Variants in ERC1 observed in about 807,000 individuals in gnomAD.
ERC1 encodes RAB6 interacting protein 2.
In ERC1, 56 loss-of-function variants were observed where a neutral mutation model predicts 132.0. That is an observed-to-expected ratio of 0.42 (90% CI 0.34 to 0.53). The LOEUF is 0.53. ERC1 is among the 20% of genes least tolerant of loss of function. ERC1 has a pLI of 0.03. For synonymous variants in ERC1, 478 were observed against 476.1 expected (o/e 1.00, Z -0.05); for missense variants, 1,202 against 1,349.9 (o/e 0.89, Z 1.72).
chr12:1,189,821 G>T lies in ERC1; in HGVS notation c.2158-38G>T, dbSNP rs879173597. 2.0e-6 allele frequency: 3 copies of T among 1,533,410 alleles called. No homozygotes were observed. The South Asian group carries it at 3.8e-5, about 19-fold the overall frequency. The allele number at this position is 1,533,410 out of a possible 1,614,324, so 95.0% of individuals were successfully genotyped here. A position where few individuals can be genotyped will look rare whatever the true frequency, so the allele number is the denominator to read the frequency against. ...GGACATGGTTTGCCCATTGCCACCT[G>T]TGTGTATCTGATAGGATTGAAATGC... On this transcript the variant is annotated intron_variant, in intron 11 of 18. Coordinates refer to ENST00000360905, the MANE Select transcript of ERC1 (RefSeq NM_178040.4).
chr12:1,433,501 C>G (rs2092860789), intron 17 of ERC1, among the ~76,000 whole-genome samples: 1 of 152,198 alleles, frequency 6.6e-6, no homozygotes, highest in Non-Finnish European at 1.5e-5. Flanking sequence ...ATGTAGAGCA[C>G]TGAACTCACA....
chr12:1,438,169 TGAC>T (rs1358992331), intron 17 of ERC1, among the ~76,000 whole-genome samples: 1 of 152,196 alleles, frequency 6.6e-6, no homozygotes, highest in African/African-American at 2.4e-5. Context: ...CAAACCTTTG[TGAC>T]AAGGCTTGAC....
At chr12:1,485,699 G>A (rs989144826) in intron 18 of ERC1, among the ~76,000 whole-genome samples, 6 of 151,484 alleles carry the variant, frequency 4.0e-5, no homozygotes, top group Admixed American at 6.6e-5. Flanking sequence ...CTTTCAAGCC[G>A]TCATTTGTAC....
chr12:990,715 CA>C (rs1160527297), upstream of ERC1: 1 of 152,268 alleles, frequency 6.6e-6, no homozygotes, highest in Non-Finnish European at 1.5e-5. Context: ...GTCCCCCCAG[CA>C]GCCAGGGTCG....
At chr12:1,091,887 C>A (rs1286057406) in intron 3 of ERC1, among the ~76,000 whole-genome samples, 1 of 151,862 alleles carries the variant, frequency 6.6e-6, no homozygotes, top group South Asian at 2.1e-4. Flanking sequence ...ATATCACTAG[C>A]GTATCAGGAA....
At chr12:1,012,693 G>A (rs560357831) in intron 1 of ERC1, among the ~76,000 whole-genome samples, 141 of 152,016 alleles carry the variant, frequency 9.3e-4, no homozygotes, top group African/African-American at 3.3e-3. Flanking sequence ...TGACCTCGTG[G>A]TCTGCCTGCC....
At position 1,202,023 on chromosome 12, in the gene ERC1, G is replaced by T. The variant is rs149092539; in HGVS notation, c.2351+11971G>T. 2.9e-3 allele frequency among the ~76,000 whole-genome samples: 445 copies of T among 152,232 alleles called. 2 individuals are homozygous for T. The highest frequency in any genetic ancestry group is 0.01 in the African/African-American group (426 of 41,528). On this transcript the variant is annotated intron_variant, in intron 12 of 18. Coordinates refer to ENST00000360905, the MANE Select transcript of ERC1 (RefSeq NM_178040.4). Reference sequence around the variant, plus strand: ...AAAATGAAAAAACTGAAAAGGAAAAGAAAGATACCAGCATATTACAACTGA... The same window carrying T: ...AAAATGAAAAAACTGAAAAGGAAAATAAAGATACCAGCATATTACAACTGA...
intron 15 of ERC1, among the ~76,000 whole-genome samples, chr12:1,352,446 T>C (rs2085088078): frequency 6.6e-6 from 1 of 152,206 alleles, no homozygotes; most frequent in Non-Finnish European, 1.5e-5. Flanking sequence ...AAATTTAGGT[T>C]GGAGCCAAAC....
chr12:1,136,195 T>C (rs1428714391), intron 7 of ERC1, among the ~76,000 whole-genome samples: 1 of 152,208 alleles, frequency 6.6e-6, no homozygotes, highest in Non-Finnish European at 1.5e-5. Flanking sequence ...AGGCCTTGTC[T>C]TCTGCTGCAC....
chr12:1,379,668 G>A lies in ERC1; in HGVS notation c.2925+7691G>A, dbSNP rs147868270. 4.5e-4 allele frequency among the ~76,000 whole-genome samples: 69 copies of A among 152,312 alleles called. 1 individual carries two copies. Among genetic ancestry groups the A allele is most frequent in the East Asian group, 3.5e-3 (18 of 5,190 alleles). ...GGGTCAGGAATTTGCAGGCAGCTTA[G>A]CAGGTGGTTCTGACCCGGGGTCCTC... On this transcript the variant is annotated intron_variant, in intron 16 of 18. Coordinates refer to ENST00000360905, the MANE Select transcript of ERC1 (RefSeq NM_178040.4).
intron 16 of ERC1, among the ~76,000 whole-genome samples, chr12:1,397,493 A>C (rs1465441820): frequency 6.6e-6 from 1 of 152,244 alleles, no homozygotes; most frequent in Non-Finnish European, 1.5e-5. Context: ...GGGATGAGAA[A>C]GATCTCTATT....
chr12:1,393,535 T>C (rs1189525662), intron 16 of ERC1, among the ~76,000 whole-genome samples: 1 of 151,108 alleles, frequency 6.6e-6, no homozygotes, highest in African/African-American at 2.4e-5. Context: ...CCTGTCTCAA[T>C]TTAAATATCA....
At position 1,491,399 on chromosome 12, in the gene ERC1, A is replaced by T. The variant is rs1183218342; in HGVS notation, c.*1169A>T. On this transcript the variant is annotated 3_prime_UTR_variant, in exon 19 of 19. Transcript: ENST00000360905. ...CACACATTCCTTCCTCGGTTATTTC[A>T]TTCAGAGAATATTTATGAAATGCCT... 1 of 230,842 alleles carries T rather than the reference A, an allele frequency of 4.3e-6. No homozygotes were observed. The highest frequency in any genetic ancestry group is 1.8e-4 in the South Asian group (1 of 5,518). 14.3% of individuals were successfully genotyped at this position (230,842 alleles called of 1,614,324 possible).
At chr12:1,467,505 A>G (rs2093767406) in intron 18 of ERC1, among the ~76,000 whole-genome samples, 1 of 152,080 alleles carries the variant, frequency 6.6e-6, no homozygotes, top group Admixed American at 6.6e-5. Context: ...TATTCTTAGG[A>G]TTCTCCAACT....
At chr12:1,025,378 T>C (rs1489800802) in intron 1 of ERC1, among the ~76,000 whole-genome samples, 2 of 152,220 alleles carry the variant, frequency 1.3e-5, no homozygotes, top group Admixed American at 1.3e-4. Context: ...TACAGATCAT[T>C]ATACTTATGT....
chr12:1,486,740 G>T (rs1384385704), intron 18 of ERC1, among the ~76,000 whole-genome samples: 2 of 140,044 alleles, frequency 1.4e-5, no homozygotes, highest in Non-Finnish European at 2.9e-5. Flanking sequence ...ATCACTCCCG[G>T]CTGTGAAGCA....
Position 1,369,671 on chromosome 12 carries a change from A to G in ERC1, c.2781-2162A>G, listed in dbSNP as rs532489896. Among the ~76,000 whole-genome samples the G allele has an allele frequency of 1.2e-4, 18 of 152,222 alleles. 1 individual carries two copies. Among genetic ancestry groups the G allele is most frequent in the African/African-American group, 4.3e-4 (18 of 41,520 alleles). On this transcript the variant is annotated intron_variant, in intron 15 of 18. Coordinates refer to ENST00000360905, the MANE Select transcript of ERC1 (RefSeq NM_178040.4). ...CTTGAACTCTTTCACCTTTAAGCTC[A>G]TTTCACCACTTAACATATTTTTTTC...
At chr12:1,135,366 C>G (rs758094339) in intron 7 of ERC1, among the ~76,000 whole-genome samples, 1 of 152,142 alleles carries the variant, frequency 6.6e-6, no homozygotes, top group Non-Finnish European at 1.5e-5. Context: ...GTCTCTTTCT[C>G]TATGTGTACA....
chr12:1,112,196 A>G lies in ERC1; in HGVS notation c.1318-19A>G, dbSNP rs1945956626. The G allele has an allele frequency of 6.4e-7, 1 of 1,574,750 alleles. No individual in the cohort carries two copies. The highest frequency in any genetic ancestry group is 1.4e-5 in the African/African-American group (1 of 74,014). On this transcript the variant is annotated intron_variant, in intron 5 of 18. Transcript: ENST00000360905. ...CTAAGTTGACACATAAGTGAAAAAG[A>G]ATAATAATGTCGTGACAGGTAGAAC...
Sources: gnomAD v4.1 joint callset for allele counts (sites outside exome capture counted in the v4.1 genomes callset) on GRCh38, gnomAD v4.1.1 for gene constraint, MANE v1.5 for transcripts, NCBI Gene and HGNC (gene_info 2026-07-23, HGNC 2026-07-21) for gene names.